EIF5B: variants seen among roughly 807,000 people sequenced by gnomAD.
The protein encoded by EIF5B is eIF-5B.
In EIF5B, 47 loss-of-function variants were observed where a neutral mutation model predicts 147.5. The observed-to-expected ratio is 0.32, with a 90% CI of 0.25 to 0.41. The LOEUF (loss-of-function observed/expected upper bound fraction) is 0.41. EIF5B is among the 10% of genes least tolerant of loss of function. EIF5B has a pLI of 1.00. For synonymous variants in EIF5B, 455 were observed against 456.2 expected (o/e 1.00, Z 0.03); for missense variants, 1,064 against 1,413.2 (o/e 0.75, Z 3.96).
At chr2:99,381,228 C>G (rs1360077942) in intron 12 of EIF5B, among the ~76,000 whole-genome samples, 1 of 152,054 alleles carries the variant, frequency 6.6e-6, no homozygotes, top group East Asian at 1.9e-4. Context: ...CACCTTATTC[C>G]ACCAGTTGCC....
intron 1 of EIF5B, among the ~76,000 whole-genome samples, chr2:99,342,481 A>G (rs527668110): frequency 6.6e-5 from 10 of 152,308 alleles, no homozygotes; most frequent in Admixed American, 1.3e-4. Context: ...ATTTAATTCT[A>G]TAACAGTAAA....
At chr2:99,359,010 G>C (rs976300373) in intron 1 of EIF5B, among the ~76,000 whole-genome samples, 1 of 152,076 alleles carries the variant, frequency 6.6e-6, no homozygotes, top group South Asian at 2.1e-4. Context: ...TCAATGTCTT[G>C]TCATATAATC....
intron 1 of EIF5B, among the ~76,000 whole-genome samples, chr2:99,353,234 C>T (rs1674017784): frequency 6.6e-6 from 1 of 152,018 alleles, no homozygotes; most frequent in Non-Finnish European, 1.5e-5. Context: ...AGGCTGGTCT[C>T]AAACTCCTGA....
intron 1 of EIF5B, among the ~76,000 whole-genome samples, chr2:99,360,009 C>T (rs963427312): frequency 6.6e-6 from 1 of 152,088 alleles, no homozygotes; most frequent in Non-Finnish European, 1.5e-5. Flanking sequence ...TTTTCTGGAG[C>T]TTTTCATTAT....
At chr2:99,395,745 T>G (rs1417706660) in intron 21 of EIF5B, among the ~76,000 whole-genome samples, 1 of 151,966 alleles carries the variant, frequency 6.6e-6, no homozygotes, top group East Asian at 1.9e-4. Flanking sequence ...ATTAATGATG[T>G]GGTTTGGGAA....
intron 6 of EIF5B, among the ~76,000 whole-genome samples, chr2:99,368,276 C>G (rs532273804): frequency 1.3e-5 from 2 of 152,304 alleles, no homozygotes; most frequent in East Asian, 3.9e-4. Context: ...GATGGTGATA[C>G]ACGTATCAAA....
intron 14 of EIF5B, among the ~76,000 whole-genome samples, chr2:99,386,475 G>A (rs762258661): frequency 1.2e-3 from 32 of 26,852 alleles, no homozygotes; most frequent in African/African-American, 1.9e-3. Context: ...TTGCGTGTGT[G>A]TGTGTGTGTG....
Position 99,396,095 on chromosome 2 carries a change from G to A in EIF5B, c.3255-665G>A, listed in dbSNP as rs541096324. Among the ~76,000 whole-genome samples the A allele has an allele frequency of 1.1e-3, 164 of 152,284 alleles. 1 individual carries two copies. The highest frequency in any genetic ancestry group is 7.0e-3 in the Admixed American group (107 of 15,306). ...GGTGATTCAGACCACAGTGATGATAGGAGTGATGGCGTAGTTTGGGATACA... is the reference window on the plus strand; with the variant it reads ...GGTGATTCAGACCACAGTGATGATAAGAGTGATGGCGTAGTTTGGGATACA... On this transcript the variant is annotated intron_variant, in intron 21 of 23. Coordinates refer to ENST00000289371, the MANE Select transcript of EIF5B (RefSeq NM_015904.4).
chr2:99,341,396 T>G (rs1439962153), intron 1 of EIF5B, among the ~76,000 whole-genome samples: 1 of 152,204 alleles, frequency 6.6e-6, no homozygotes, highest in East Asian at 1.9e-4. Flanking sequence ...GAAAACAGAT[T>G]ATAGATTTTT....
intron 1 of EIF5B, among the ~76,000 whole-genome samples, chr2:99,359,956 G>A (rs1674173406): frequency 6.6e-6 from 1 of 152,068 alleles, no homozygotes; most frequent in African/African-American, 2.4e-5. Flanking sequence ...AAAACCTTTG[G>A]TATCTGTAAA....
At chr2:99,344,459 C>T (rs1243420073) in intron 1 of EIF5B, among the ~76,000 whole-genome samples, 2 of 149,450 alleles carry the variant, frequency 1.3e-5, no homozygotes, top group African/African-American at 2.5e-5. Flanking sequence ...TTTTTTGAGA[C>T]GAAGTCTCAC....
intron 1 of EIF5B, chr2:99,338,480 A>G: frequency 2.1e-6 from 1 of 468,910 alleles, no homozygotes; most frequent in Non-Finnish European, 4.0e-6. Flanking sequence ...AAATTAAAAA[A>G]ACTAGTGCTA....
At position 99,364,259 on chromosome 2, in the gene EIF5B, A is replaced by T. The variant is rs1280844614; in HGVS notation, c.1138-12A>T. ...TGAATACAGGTTTTGTCTGACATGT[A>T]CTCTTTTATAGGAACGATTGGAACA... On this transcript the variant is annotated splice_polypyrimidine_tract_variant and intron_variant, in intron 5 of 23. Coordinates refer to ENST00000289371, the MANE Select transcript of EIF5B (RefSeq NM_015904.4). 4.4e-6 allele frequency: 7 copies of T among 1,573,784 alleles called. No individual in the cohort carries two copies. Among genetic ancestry groups the T allele is most frequent in the Non-Finnish European group, 6.0e-6 (7 of 1,166,842 alleles).
rs1190713323 is a variant in EIF5B, at chr2:99,389,831, T to G, written c.2385T>G (p.Ile795Met). The change falls in exon 15 of 24, where the codon ATT (isoleucine) becomes ATG (methionine). Residue 795 changes from isoleucine (I) to methionine (M), a missense_variant. Transcript: ENST00000289371. ...TTGAGGAGCGAGCAAAGGCTATTATTGTAGAATTTGCACAGCAGGTAAGAA... is the reference window on the plus strand; with the variant it reads ...TTGAGGAGCGAGCAAAGGCTATTATGGTAGAATTTGCACAGCAGGTAAGAA... ...DEFEERAKAI[I>M]VEFAQQGLNA... The G allele has an allele frequency of 4.3e-6, 7 of 1,610,866 alleles. No homozygotes were observed. In the East Asian group the frequency reaches 1.6e-4, roughly 36 times the overall value.
rs763405267 is a variant in EIF5B at position 99,361,602 on chromosome 2, A to G, written c.701A>G (p.Glu234Gly). ...AAGACAGTGGCCCAAAAGAAGGCAG[A>G]AAAGAAGGAGCGCGAGAGAAAAAAG... ...KIKTVAQKKA[E>G]KKERERKKRD... The change falls in exon 4 of 24, where the codon GAA becomes GGA. Residue 234 changes from glutamate to glycine, a missense_variant. By Grantham distance (98) the Glu-to-Gly change is moderately conservative (BLOSUM62 -2). Around this residue, in one of 4 missense-constraint regions of EIF5B, gnomAD observed 458 missense variants for 451.3 expected, o/e 1.01. Transcript: ENST00000289371. The G allele has an allele frequency of 3.7e-6, 6 of 1,600,718 alleles. No homozygotes were observed. In the South Asian group the frequency reaches 5.7e-5, roughly 15 times the overall value.
At chr2:99,367,608 T>TTA (rs1374170436) in intron 6 of EIF5B, among the ~76,000 whole-genome samples, 1 of 151,810 alleles carries the variant, frequency 6.6e-6, no homozygotes, top group Non-Finnish European at 1.5e-5. Context: ...TATATATATT[T>TTA]TATATAATAC....
At chr2:99,374,288 TA>T (rs33936603) in intron 9 of EIF5B, among the ~76,000 whole-genome samples, 25,944 of 108,618 alleles carry the variant, frequency 0.24, 3,069 homozygotes, top group African/African-American at 0.34. Context: ...GACTCTTACC[TA>T]AAAAAAAAAA....
At chr2:99,378,791 T>C (rs1674615380) in intron 10 of EIF5B, among the ~76,000 whole-genome samples, 2 of 152,200 alleles carry the variant, frequency 1.3e-5, no homozygotes, top group Non-Finnish European at 2.9e-5. Context: ...CTATTCGTAT[T>C]CAGCAGTGCT....
intron 13 of EIF5B, 101 bp from the exon 14 acceptor site, chr2:99,382,679 A>G (rs1427293802): frequency 4.3e-6 from 5 of 1,174,924 alleles, no homozygotes; most frequent in Non-Finnish European, 4.6e-6. Context: ...TTTAATACAT[A>G]TACTCTATTT....
Sources: gnomAD v4.1 joint callset for allele counts (sites outside exome capture counted in the v4.1 genomes callset) on GRCh38, gnomAD v4.1.1 for gene constraint, gnomAD v4.1.1 regional missense constraint, MANE v1.5 for transcripts, NCBI Gene and HGNC (gene_info 2026-07-23, HGNC 2026-07-21) for gene names.